DPP10: variants seen among roughly 807,000 people sequenced by gnomAD.
The protein encoded by DPP10 is dipeptidyl peptidase like 10.
In DPP10, 33 loss-of-function variants were observed where a neutral mutation model predicts 120.9. That is an observed-to-expected ratio of 0.27 (90% CI 0.21 to 0.37). The LOEUF (loss-of-function observed/expected upper bound fraction) is 0.37. DPP10 is among the 10% of genes least tolerant of loss of function. The probability of loss-of-function intolerance (pLI) is 1.00; values close to 1 mark genes in which losing one functional copy is unlikely to be tolerated. For missense variants in DPP10, 816 were observed against 942.8 expected (o/e 0.87, Z 1.76); for synonymous variants, 337 against 326.1 (o/e 1.03, Z -0.36).
intron 5 of DPP10, among the ~76,000 whole-genome samples, chr2:115,573,272 T>C (rs1294418969): frequency 7.0e-6 from 1 of 142,102 alleles, no homozygotes; most frequent in African/African-American, 2.6e-5. Flanking sequence ...CCAGGCTTCC[T>C]GGGATTTTTT....
intron 13 of DPP10, among the ~76,000 whole-genome samples, chr2:115,771,754 C>T (rs1681501923): frequency 1.3e-5 from 2 of 152,104 alleles, no homozygotes; most frequent in Admixed American, 1.3e-4. Flanking sequence ...AACAGTCAGC[C>T]AGGTCACCTT....
intron 19 of DPP10, among the ~76,000 whole-genome samples, chr2:115,793,139 T>G (rs17044974): frequency 0.1 from 15,638 of 152,216 alleles, 864 homozygotes; most frequent in South Asian, 0.14. Flanking sequence ...GAAACCAATT[T>G]GAAGACTTCT....
chr2:114,919,756 A>G (rs1042565309), intron 1 of DPP10, among the ~76,000 whole-genome samples: 1 of 152,214 alleles, frequency 6.6e-6, no homozygotes, highest in African/African-American at 2.4e-5. Flanking sequence ...GTTGACTGGC[A>G]TAACTGAGTA....
At chr2:114,548,993 G>C (rs1023230462) in intron 1 of DPP10, among the ~76,000 whole-genome samples, 1 of 152,288 alleles carries the variant, frequency 6.6e-6, no homozygotes, top group East Asian at 1.9e-4. Flanking sequence ...AATCACACGA[G>C]CACATAGAAA....
chr2:114,833,626 G>A (rs969128740), intron 1 of DPP10: 3 of 152,092 alleles, frequency 2.0e-5, no homozygotes, highest in African/African-American at 7.2e-5. Flanking sequence ...TCAGAGTCAG[G>A]CACCTCCAAG....
intron 3 of DPP10, among the ~76,000 whole-genome samples, chr2:115,440,225 A>G (rs981817858): frequency 2.6e-5 from 4 of 152,078 alleles, no homozygotes; most frequent in African/African-American, 9.7e-5. Flanking sequence ...TTGAATAACA[A>G]GAGAAGTTTT....
chr2:114,456,622 A>C, intron 1 of DPP10, among the ~76,000 whole-genome samples: 1 of 152,268 alleles, frequency 6.6e-6, no homozygotes, highest in East Asian at 1.9e-4. Flanking sequence ...TAAAAATAGC[A>C]GTATATAATG....
chr2:115,561,418 G>A (rs1421399808), intron 5 of DPP10, among the ~76,000 whole-genome samples: 2 of 149,408 alleles, frequency 1.3e-5, no homozygotes, highest in Admixed American at 6.7e-5. Flanking sequence ...GACCCATTGC[G>A]GTGTTATCAC....
intron 7 of DPP10, among the ~76,000 whole-genome samples, chr2:115,694,895 A>G (rs763258347): frequency 1.3e-5 from 2 of 152,176 alleles, no homozygotes; most frequent in Non-Finnish European, 2.9e-5. Flanking sequence ...AGGATGGACA[A>G]TGAGGGCCCT....
chr2:115,452,039 T>C (rs1190736814), intron 3 of DPP10, among the ~76,000 whole-genome samples: 1 of 151,958 alleles, frequency 6.6e-6, no homozygotes, highest in Non-Finnish European at 1.5e-5. Context: ...CAGGAGACTT[T>C]AAATAAGTAT....
chr2:115,143,621 T>A (rs551794348), intron 1 of DPP10, among the ~76,000 whole-genome samples: 15 of 152,380 alleles, frequency 9.8e-5, no homozygotes, highest in African/African-American at 3.6e-4. Flanking sequence ...GATCTCAATA[T>A]GCCAAATGCA....
chr2:115,545,290 A>G (rs2079429372), intron 5 of DPP10, among the ~76,000 whole-genome samples: 1 of 152,166 alleles, frequency 6.6e-6, no homozygotes, highest in African/African-American at 2.4e-5. Flanking sequence ...TTTTTAAATT[A>G]TTAAATATGA....
chr2:115,796,458 A>G (rs926358193), intron 19 of DPP10, among the ~76,000 whole-genome samples: 1 of 152,172 alleles, frequency 6.6e-6, no homozygotes, highest in African/African-American at 2.4e-5. Flanking sequence ...AAGTAAACAA[A>G]TCAATTAACC....
At chr2:114,730,847 C>T (rs1012592854) in intron 1 of DPP10, among the ~76,000 whole-genome samples, 1 of 151,898 alleles carries the variant, frequency 6.6e-6, no homozygotes, top group African/African-American at 2.4e-5. Context: ...GCCTTGGCCT[C>T]ACAAAGTGCT....
intron 17 of DPP10, among the ~76,000 whole-genome samples, chr2:115,787,682 A>G (rs1683492293): frequency 6.6e-6 from 1 of 152,188 alleles, no homozygotes; most frequent in Admixed American, 6.5e-5. Context: ...AACGGCCAAA[A>G]ATTTTCTAAA....
chr2:115,400,866 A>C (rs2068024454), intron 3 of DPP10, among the ~76,000 whole-genome samples: 3 of 152,208 alleles, frequency 2.0e-5, no homozygotes, highest in Admixed American at 2.0e-4. Context: ...AACAGCGGGC[A>C]TTGAAAACCA....
At chr2:115,548,013 A>G (rs1228548286) in intron 5 of DPP10, among the ~76,000 whole-genome samples, 1 of 152,182 alleles carries the variant, frequency 6.6e-6, no homozygotes, top group Admixed American at 6.6e-5. Context: ...CTTTTGCACA[A>G]TAAAACCTTG....
chr2:115,237,084 A>G (rs2058042292), intron 1 of DPP10, among the ~76,000 whole-genome samples: 2 of 152,198 alleles, frequency 1.3e-5, no homozygotes. Context: ...CTCTATACAG[A>G]CAAAGCTTAT....
intron 1 of DPP10, among the ~76,000 whole-genome samples, chr2:115,143,146 A>G (rs2051022889): frequency 6.6e-6 from 1 of 152,152 alleles, no homozygotes; most frequent in Non-Finnish European, 1.5e-5. Flanking sequence ...GCCTGGTTCT[A>G]GGAGGGACAG....
Sources: gnomAD v4.1 joint callset for allele counts (sites outside exome capture counted in the v4.1 genomes callset) on GRCh38, gnomAD v4.1.1 for gene constraint, MANE v1.5 for transcripts, NCBI Gene and HGNC (gene_info 2026-07-23, HGNC 2026-07-21) for gene names.